The following KAZN variants were observed in gnomAD, a reference collection of about 807,000 sequenced individuals.
KAZN encodes kazrin, periplakin interacting protein.
In KAZN, 40 loss-of-function variants were observed where a neutral mutation model predicts 87.4. The ratio of observed to expected loss-of-function variants is 0.46; its 90% CI spans 0.36 to 0.60. KAZN has a LOEUF of 0.60. KAZN is among the 20% of genes least tolerant of loss of function. The pLI is 0.00. For missense variants in KAZN, 898 were observed against 1,073.9 expected (o/e 0.84, Z 2.29); for synonymous variants, 466 against 458.3 (o/e 1.02, Z -0.22).
At chr1:14,441,774 C>T (rs1666720176) in intron 2 of KAZN, among the ~76,000 whole-genome samples, 1 of 152,046 alleles carries the variant, frequency 6.6e-6, no homozygotes, top group African/African-American at 2.4e-5. Flanking sequence ...GGTGTATGCT[C>T]ACATTAAATA....
At chr1:14,202,470 C>G (rs1055886461) in intron 2 of KAZN, among the ~76,000 whole-genome samples, 1 of 152,184 alleles carries the variant, frequency 6.6e-6, no homozygotes, top group African/African-American at 2.4e-5. Flanking sequence ...TGGAGGAGGG[C>G]TCTGTGATAC....
At chr1:14,179,271 T>C (rs1646146387) in intron 1 of KAZN, among the ~76,000 whole-genome samples, 1 of 152,200 alleles carries the variant, frequency 6.6e-6, no homozygotes, top group Admixed American at 6.5e-5. Flanking sequence ...GCTCCTTAAT[T>C]CAGTGACATT....
intron 1 of KAZN, among the ~76,000 whole-genome samples, chr1:14,772,312 T>C (rs1473354105): frequency 6.6e-6 from 1 of 152,052 alleles, no homozygotes; most frequent in Non-Finnish European, 1.5e-5. Flanking sequence ...GTAAGACCCC[T>C]GTCTCTATAA....
intron 1 of KAZN, among the ~76,000 whole-genome samples, chr1:14,130,459 C>CT (rs1644968479): frequency 6.6e-6 from 1 of 152,162 alleles, no homozygotes. Flanking sequence ...TTACTTCCTG[C>CT]TGCTTTATTC....
intron 2 of KAZN, among the ~76,000 whole-genome samples, chr1:14,197,246 G>C (rs192437152): frequency 6.6e-6 from 1 of 152,178 alleles, no homozygotes; most frequent in Non-Finnish European, 1.5e-5. Context: ...CATATCATGT[G>C]TTGTTGAGAA....
rs948778596 is a variant in KAZN, at chr1:15,094,485, G to A, written c.1428+100G>A. On this transcript the variant is annotated intron_variant, in intron 9 of 14. Transcript: ENST00000376030. The surrounding 1 kb of genome is among the most constrained non-coding windows in gnomAD (Gnocchi z 4.5). ...CCCCCCACTCCTACCCTGGAGTCAG[G>A]AGAAGGTGCAATCTAGGAGCTAGCC... The A allele has an allele frequency of 3.6e-6, 4 of 1,117,612 alleles. No individual in the cohort carries two copies. The highest frequency in any genetic ancestry group is 1.5e-5 in the South Asian group (1 of 67,288). 69.2% of individuals were successfully genotyped at this position (1,117,612 alleles called of 1,614,324 possible). A position where few individuals can be genotyped will look rare whatever the true frequency, so the allele number is the denominator to read the frequency against.
chr1:14,211,526 T>C (rs1350721368), intron 2 of KAZN, among the ~76,000 whole-genome samples: 2 of 152,142 alleles, frequency 1.3e-5, no homozygotes, highest in Admixed American at 6.5e-5. Flanking sequence ...GCCGGGCCTA[T>C]CTTTTTTTAA....
At chr1:14,333,034 C>A (rs1169917783) in intron 2 of KAZN, among the ~76,000 whole-genome samples, 2 of 152,102 alleles carry the variant, frequency 1.3e-5, no homozygotes, top group Non-Finnish European at 2.9e-5. Flanking sequence ...GCTCTCCCTA[C>A]CCCCATCCCA....
intron 1 of KAZN, among the ~76,000 whole-genome samples, chr1:14,764,531 T>C (rs969152500): frequency 1.1e-4 from 16 of 152,106 alleles, no homozygotes; most frequent in Non-Finnish European, 1.0e-4. Flanking sequence ...TTTTAACAAG[T>C]CTTTTCTCAC....
chr1:14,218,674 AAAT>A (rs1208473740), intron 2 of KAZN, among the ~76,000 whole-genome samples: 3 of 152,150 alleles, frequency 2.0e-5, no homozygotes, highest in African/African-American at 7.2e-5. Flanking sequence ...TAAGGATAGA[AAAT>A]AATTTGTCAT....
At chr1:14,572,851 A>C (rs1409138802) in intron 2 of KAZN, among the ~76,000 whole-genome samples, 1 of 152,222 alleles carries the variant, frequency 6.6e-6, no homozygotes, top group Non-Finnish European at 1.5e-5. Context: ...GTTAAACCTA[A>C]ACACCTAACG....
At chr1:14,572,302 G>C (rs1674920257) in intron 2 of KAZN, among the ~76,000 whole-genome samples, 1 of 152,198 alleles carries the variant, frequency 6.6e-6, no homozygotes, top group African/African-American at 2.4e-5. Context: ...TACAAAGGCT[G>C]TGTGTTCACG....
chr1:13,983,755 A>G (rs1346664993), intron 1 of KAZN, among the ~76,000 whole-genome samples: 8 of 152,278 alleles, frequency 5.3e-5, no homozygotes, highest in Non-Finnish European at 1.2e-4. Context: ...TTCTTTTGAT[A>G]TCTGAGGATG....
At chr1:15,065,541 C>T (rs982869432) in intron 7 of KAZN, 89 bp from the exon 8 acceptor site, 2 of 1,183,318 alleles carry the variant, frequency 1.7e-6, no homozygotes, top group South Asian at 1.4e-5. Flanking sequence ...TTCCCCACCC[C>T]GGATCCCATC....
At chr1:14,925,844 A>C (rs1357569327) in intron 1 of KAZN, among the ~76,000 whole-genome samples, 1 of 151,994 alleles carries the variant, frequency 6.6e-6, no homozygotes, top group African/African-American at 2.4e-5. Context: ...TCCTTTTCCC[A>C]CCTTCTCCCC....
intron 1 of KAZN, among the ~76,000 whole-genome samples, chr1:14,859,449 C>T (rs1412971413): frequency 6.6e-6 from 1 of 152,164 alleles, no homozygotes; most frequent in African/African-American, 2.4e-5. Context: ...GGTCCAGGCT[C>T]TTAACCACTA....
chr1:14,385,222 G>GC (rs1661762325), intron 2 of KAZN, among the ~76,000 whole-genome samples: 1 of 151,854 alleles, frequency 6.6e-6, no homozygotes, highest in Non-Finnish European at 1.5e-5. Context: ...TATTAGTCTT[G>GC]CTAGCGGTCT....
At chr1:14,253,552 T>G (rs1650239487) in intron 2 of KAZN, among the ~76,000 whole-genome samples, 1 of 152,174 alleles carries the variant, frequency 6.6e-6, no homozygotes, top group African/African-American at 2.4e-5. Context: ...GAGGAGATAT[T>G]CGGGCTTTTG....
intron 4 of KAZN, among the ~76,000 whole-genome samples, chr1:15,052,553 G>A (rs908839100): frequency 6.6e-6 from 1 of 151,942 alleles, no homozygotes; most frequent in Non-Finnish European, 1.5e-5. Flanking sequence ...GTGTATATGT[G>A]TGTGTATGCA....
Sources: gnomAD v4.1 joint callset for allele counts (sites outside exome capture counted in the v4.1 genomes callset) on GRCh38, gnomAD v4.1.1 for gene constraint, Gnocchi (gnomAD v3.1) non-coding constraint, MANE v1.5 for transcripts, NCBI Gene and HGNC (gene_info 2026-07-23, HGNC 2026-07-21) for gene names.